The following RAB1B variants were observed in gnomAD, a reference collection of about 807,000 sequenced individuals.
The protein encoded by RAB1B is RAB1B, member RAS oncogene family, also known as ras-related protein Rab-1B.
Under a neutral mutation model 24.8 loss-of-function variants are expected in RAB1B, and 10 were observed. That is an observed-to-expected ratio of 0.40 (90% CI 0.25 to 0.68). The LOEUF (loss-of-function observed/expected upper bound fraction) is 0.68. Ranked by LOEUF, RAB1B falls within the 30% of genes least tolerant of loss-of-function variation. The probability of loss-of-function intolerance (pLI) is 0.37; values close to 1 mark genes in which losing one functional copy is unlikely to be tolerated. For synonymous variants in RAB1B, 99 were observed against 111.7 expected, an observed-to-expected ratio of 0.89 and a Z score of 0.72; for missense variants, 154 against 271.2, an observed-to-expected ratio of 0.57 and a Z score of 3.04.
At chr11:66,272,615 G>T (rs1237241309) in intron 4 of RAB1B, 155 bp downstream of exon 4, 4 of 553,094 alleles carry the variant, frequency 7.2e-6, no homozygotes, top group Non-Finnish European at 1.3e-5. Context: ...AAAAAAATAG[G>T]TGACTGTACT....
Position 66,275,994 on chromosome 11 carries a change from GCTCTCCCCTCCTCTT to G in RAB1B, c.412-28_412-14del, listed in dbSNP as rs549647643. The G allele has an allele frequency of 5.5e-3, 8,813 of 1,606,148 alleles. 29 individuals are homozygous for G. The highest frequency in any genetic ancestry group is 7.0e-3 in the Non-Finnish European group (8,289 of 1,176,966). The stretch of plus-strand genomic sequence containing the variant: ...CGCTGGGGCCTGCTGCCCCTCACCT[GCTCTCCCCTCCTCTT>G]CTCTCCCCTCCTCTTCTCTCCTCTC... On this transcript the variant is annotated intron_variant, in intron 5 of 5. Transcript: ENST00000311481.
Position 66,276,499 on chromosome 11 carries a change from A to G in RAB1B, c.*261A>G, listed in dbSNP as rs1362745778. On this transcript the variant is annotated 3_prime_UTR_variant, in exon 6 of 6. Coordinates refer to ENST00000311481, the MANE Select transcript of RAB1B (RefSeq NM_030981.3). ...GCTGTTGCCTCTAGGTGACTTTCCA[A>G]GATGCCCCCCTACACACCTTTCTTT... The G allele has an allele frequency of 1.3e-5, 6 of 467,862 alleles. No homozygotes were observed. Among genetic ancestry groups the G allele is most frequent in the Non-Finnish European group, 2.3e-5 (6 of 265,720 alleles). The allele number at this position is 467,862 out of a possible 1,614,324, so 29.0% of individuals were successfully genotyped here.
chr11:66,275,390 A>G (rs976037438), intron 4 of RAB1B, among the ~76,000 whole-genome samples: 1 of 152,200 alleles, frequency 6.6e-6, no homozygotes. Flanking sequence ...CAAGGCTTCA[A>G]ACCTTAAAGG....
rs371735026 is a variant in RAB1B at position 66,271,893 on chromosome 11, A to G, written c.87+24A>G. On this transcript the variant is annotated intron_variant, in intron 2 of 5. Transcript: ENST00000311481. The stretch of plus-strand genomic sequence containing the variant: ...CTGTGAGTAAGAAGCCTCCCATACC[A>G]TCCACCTGGGGTCCTGACTGGCAGC... 2.5e-4 allele frequency: 402 copies of G among 1,595,932 alleles called. 4 individuals are homozygous for G. The highest frequency in any genetic ancestry group is 2.3e-3 in the South Asian group (210 of 90,720).
At chr11:66,274,585 T>A (rs1857111662) in intron 4 of RAB1B, among the ~76,000 whole-genome samples, 1 of 152,168 alleles carries the variant, frequency 6.6e-6, no homozygotes, top group Non-Finnish European at 1.5e-5. Context: ...CTGCCTCCTG[T>A]CAGGACTAGC....
intron 5 of RAB1B, 23 bp downstream of exon 5, chr11:66,275,958 C>A (rs374208171): frequency 6.2e-6 from 10 of 1,609,852 alleles, no homozygotes; most frequent in South Asian, 3.3e-5. Flanking sequence ...CCGGTCTGCC[C>A]GGGGTCGGGG....
At chr11:66,272,090 A>G (rs1476148175) in intron 2 of RAB1B, 67 bp from the exon 3 acceptor site, 8 of 1,207,534 alleles carry the variant, frequency 6.6e-6, no homozygotes, top group Admixed American at 1.7e-5. Context: ...AGGGAACTGG[A>G]GGGAGGCTCT....
chr11:66,276,580 TTC>T lies in RAB1B; in HGVS notation c.*347_*348del, dbSNP rs1204840043. On this transcript the variant is annotated 3_prime_UTR_variant, in exon 6 of 6. Coordinates refer to ENST00000311481, the MANE Select transcript of RAB1B (RefSeq NM_030981.3). ...CCACCCCCATGTATGCTGCACTGGG[TTC>T]TCTCCTTCTTCTTCCTGCTGTCCTG... 5 of 247,912 alleles carry T rather than the reference TTC, an allele frequency of 2.0e-5. No individual in the cohort carries two copies. The highest frequency in any genetic ancestry group is 1.5e-5 in the Non-Finnish European group (2 of 130,628). The allele number at this position is 247,912 out of a possible 1,614,324, so 15.4% of individuals were successfully genotyped here.
intron 1 of RAB1B, among the ~76,000 whole-genome samples, chr11:66,269,569 G>A (rs74394970): frequency 6.6e-6 from 1 of 152,178 alleles, no homozygotes. Flanking sequence ...CCAGGTCTCA[G>A]ATTTCCTTGG....
At chr11:66,270,028 C>T (rs1476098298) in intron 1 of RAB1B, 1 of 152,158 alleles carries the variant, frequency 6.6e-6, no homozygotes, top group Non-Finnish European at 1.5e-5. Context: ...AGGCACACCA[C>T]CACACCTGGC....
At chr11:66,273,343 A>C (rs1277238631) in intron 4 of RAB1B, among the ~76,000 whole-genome samples, 1 of 152,212 alleles carries the variant, frequency 6.6e-6, no homozygotes, top group African/African-American at 2.4e-5. Context: ...TGGGGAAGCT[A>C]CATACCACCC....
At position 66,275,950 on chromosome 11, in the gene RAB1B, G is replaced by T. The variant is rs749708310; in HGVS notation, c.411+15G>T. 1 of 1,610,736 alleles carries T rather than the reference G, an allele frequency of 6.2e-7. No individual in the cohort carries two copies. The highest frequency in any genetic ancestry group is 1.1e-5 in the South Asian group (1 of 90,318). Reference sequence around the variant, plus strand: ...CCACAGCCAAGGTAGCAGACGGGCCGGTCTGCCCGGGGTCGGGGCGCTGGG... The same window carrying T: ...CCACAGCCAAGGTAGCAGACGGGCCTGTCTGCCCGGGGTCGGGGCGCTGGG... On this transcript the variant is annotated intron_variant, in intron 5 of 5. Transcript: ENST00000311481.
rs763308625 is a variant in RAB1B, at chr11:66,268,664, GGCC to G, written c.-3_-1del. The G allele has an allele frequency of 5.6e-5, 87 of 1,562,162 alleles. No individual in the cohort carries two copies. In the Admixed American group the frequency reaches 9.5e-4, roughly 17 times the overall value. On this transcript the variant is annotated 5_prime_UTR_variant, in exon 1 of 6. Transcript: ENST00000311481. ...AGAGTCGACTGGGAGCGACCGAGCG[GGCC>G]GCCGCCGCCGCCATGAACCCCGAAT...
At chr11:66,271,488 CAAAAAAAAAAA>C (rs71270565) in intron 1 of RAB1B, 45 of 48,500 alleles carry the variant, frequency 9.3e-4, no homozygotes, top group Middle Eastern at 0.013. Flanking sequence ...AACTCAGTCT[CAAAAAAAAAAA>C]AAAAAAAAAA....
chr11:66,271,813 C>T lies in RAB1B; in HGVS notation c.31C>T (p.Leu11=). 2 of 1,614,108 alleles carry T rather than the reference C, an allele frequency of 1.2e-6. No homozygotes were observed. Among genetic ancestry groups the T allele is most frequent in the East Asian group, 2.2e-5 (1 of 44,888 alleles). The part of the protein sequence containing the change: MNPEYDYLFK[L]LLIGDSGVGK... Reference sequence around the variant, plus strand: ...TCTCTCCAGTGACTACCTGTTTAAGCTGCTTTTGATTGGCGACTCAGGCGT... The same window carrying T: ...TCTCTCCAGTGACTACCTGTTTAAGTTGCTTTTGATTGGCGACTCAGGCGT... Residue 11 remains leucine, a synonymous_variant, in exon 2 of 6, where the codon CTG becomes TTG. Transcript: ENST00000311481.
In RAB1B at chr11:66,268,707, G is replaced by A; in HGVS notation, c.14+14G>A. ...GAACCCCGAATAGTGAGTGAGCCCC[G>A]CCCGCGCCGTCCAGCGCAGCCTCGA... On this transcript the variant is annotated intron_variant, in intron 1 of 5. Coordinates refer to ENST00000311481, the MANE Select transcript of RAB1B (RefSeq NM_030981.3). The A allele has an allele frequency of 3.2e-6, 5 of 1,562,700 alleles. No individual in the cohort carries two copies. Among genetic ancestry groups the A allele is most frequent in the Non-Finnish European group, 4.3e-6 (5 of 1,156,442 alleles).
At chr11:66,268,825 C>CCA in intron 1 of RAB1B, 132 bp downstream of exon 1, 1 of 941,384 alleles carries the variant, frequency 1.1e-6, no homozygotes, top group Non-Finnish European at 1.4e-6. Context: ...TCCGCTGACC[C>CCA]CCCCCCACAT....
intron 1 of RAB1B, 49 bp downstream of exon 1, chr11:66,268,742 C>T (rs920329770): frequency 2.0e-6 from 3 of 1,529,996 alleles, no homozygotes; most frequent in East Asian, 2.5e-5. Flanking sequence ...ATCCCGAATA[C>T]AGGGCTGTAC....
intron 4 of RAB1B, among the ~76,000 whole-genome samples, chr11:66,274,568 C>T (rs544542781): frequency 2.0e-5 from 3 of 152,306 alleles, no homozygotes; most frequent in East Asian, 3.9e-4. Context: ...CTATTCTGAT[C>T]TGGGCTCTGC....
Sources: gnomAD v4.1 joint callset for allele counts (sites outside exome capture counted in the v4.1 genomes callset) on GRCh38, gnomAD v4.1.1 for gene constraint, MANE v1.5 for transcripts, NCBI Gene and HGNC (gene_info 2026-07-23, HGNC 2026-07-21) for gene names.